CD38: variants seen among roughly 807,000 people sequenced by gnomAD.
The protein encoded by CD38 is ADP-ribosyl cyclase/cyclic ADP-ribose hydrolase 1.
Under a neutral mutation model 36.3 loss-of-function variants are expected in CD38, and 31 were observed. The observed-to-expected ratio is 0.85, with a 90% CI of 0.64 to 1.15. The LOEUF (loss-of-function observed/expected upper bound fraction) is 1.15. CD38 is among the 50% of genes most tolerant of loss of function. The pLI is 0.00. For missense variants in CD38, 380 were observed against 371.9 expected (o/e 1.02, Z -0.18); for synonymous variants, 131 against 135.2 (o/e 0.97, Z 0.22).
At chr4:15,795,371 A>T (rs1723085063) in intron 1 of CD38, among the ~76,000 whole-genome samples, 1 of 152,086 alleles carries the variant, frequency 6.6e-6, no homozygotes, top group Admixed American at 6.5e-5. Context: ...GAAATAGAGG[A>T]TAAGAATCTT....
intron 1 of CD38, among the ~76,000 whole-genome samples, chr4:15,788,307 G>A (rs1354892294): frequency 6.6e-6 from 1 of 152,184 alleles, no homozygotes. Context: ...ATTGGTTGGA[G>A]TTGCTCTGAG....
chr4:15,815,680 T>C (rs1274729541), intron 1 of CD38, among the ~76,000 whole-genome samples: 1 of 152,144 alleles, frequency 6.6e-6, no homozygotes, highest in East Asian at 1.9e-4. Context: ...CGTTGGGGTT[T>C]TCTAAATATA....
intron 5 of CD38, 59 bp from the exon 6 acceptor site, chr4:15,839,967 G>A (rs1724165354): frequency 9.1e-7 from 1 of 1,097,528 alleles, no homozygotes; most frequent in Admixed American, 1.7e-5. Flanking sequence ...TTGTTGAGGG[G>A]GGTGTGGATG....
rs35143834 is a variant in CD38, at chr4:15,835,363, CTTTTTTTTTTT to C, written c.585+1083_585+1093del. 2.1e-4 allele frequency among the ~76,000 whole-genome samples: 12 copies of C among 57,712 alleles called. 1 individual carries two copies. The highest frequency in any genetic ancestry group is 3.2e-4 in the Admixed American group (1 of 3,146). The allele number at this position is 57,712 out of a possible 152,430, so 37.9% of individuals were successfully genotyped here. ...CATGTTGCTGCAAATGACAGGAATA[CTTTTTTTTTTT>C]TTTTTTTTTTTTTTTTTTTTTGAGA... On this transcript the variant is annotated intron_variant, in intron 4 of 7. Coordinates refer to ENST00000226279, the MANE Select transcript of CD38 (RefSeq NM_001775.4).
At chr4:15,832,268 G>A (rs1344420560) in intron 3 of CD38, among the ~76,000 whole-genome samples, 1 of 152,064 alleles carries the variant, frequency 6.6e-6, no homozygotes, top group African/African-American at 2.4e-5. Context: ...ATTGATCTCT[G>A]ATGTCTTATT....
intron 1 of CD38, among the ~76,000 whole-genome samples, chr4:15,811,479 T>G (rs1403813660): frequency 6.6e-6 from 1 of 152,204 alleles, no homozygotes; most frequent in Non-Finnish European, 1.5e-5. Context: ...AATTTATTCT[T>G]TTGCATGTGG....
intron 1 of CD38, among the ~76,000 whole-genome samples, chr4:15,786,672 C>G (rs1722839339): frequency 6.6e-6 from 1 of 152,372 alleles, no homozygotes; most frequent in African/African-American, 2.4e-5. Flanking sequence ...CTGGCTTCAC[C>G]TAGCCGATTG....
intron 1 of CD38, among the ~76,000 whole-genome samples, chr4:15,785,386 T>G (rs1452199782): frequency 6.6e-6 from 1 of 152,084 alleles, no homozygotes; most frequent in Non-Finnish European, 1.5e-5. Context: ...AAGATACCTA[T>G]TTCTATACCT....
At chr4:15,784,318 T>C (rs1722765195) in intron 1 of CD38, among the ~76,000 whole-genome samples, 1 of 152,170 alleles carries the variant, frequency 6.6e-6, no homozygotes, top group Admixed American at 6.5e-5. Context: ...AGAAATAGCA[T>C]TTCAGGTCTT....
chr4:15,821,766 C>G (rs1462551744), intron 2 of CD38, among the ~76,000 whole-genome samples: 1 of 149,626 alleles, frequency 6.7e-6, no homozygotes, highest in Non-Finnish European at 1.5e-5. Flanking sequence ...CAAAGAGGAG[C>G]TGATACCCTT....
rs1724376932 is a variant in CD38, at chr4:15,851,194, A to C, written c.*2592A>C. ...ACCTTGTGTGTCTATCTTCATTACC[A>C]CAATGCCTCATCTCTACCTCCTTTC... On this transcript the variant is annotated 3_prime_UTR_variant, in exon 8 of 8. Coordinates refer to ENST00000226279, the MANE Select transcript of CD38 (RefSeq NM_001775.4). The C allele has an allele frequency of 6.6e-6, 1 of 152,156 alleles. No homozygotes were observed. The allele number at this position is 152,156 out of a possible 1,614,324, so 9.4% of individuals were successfully genotyped here.
At chr4:15,785,643 T>G (rs1050205851) in intron 1 of CD38, among the ~76,000 whole-genome samples, 1 of 152,106 alleles carries the variant, frequency 6.6e-6, no homozygotes, top group African/African-American at 2.4e-5. Flanking sequence ...GTTTAGATAT[T>G]TTGGAGGGAA....
At chr4:15,801,440 A>G (rs985343127) in intron 1 of CD38, among the ~76,000 whole-genome samples, 1 of 152,182 alleles carries the variant, frequency 6.6e-6, no homozygotes, top group East Asian at 1.9e-4. Flanking sequence ...AACTCATTCT[A>G]TAAGGCCAGA....
In CD38 at chr4:15,851,980, C is replaced by G. The variant is rs1724395994; in HGVS notation, c.*3378C>G. Reference sequence around the variant, plus strand: ...AACATATCTAAACATAGAAAAGGTACAGTAAACATGCAGTATTATAATCTT... The same window carrying G: ...AACATATCTAAACATAGAAAAGGTAGAGTAAACATGCAGTATTATAATCTT... On this transcript the variant is annotated 3_prime_UTR_variant, in exon 8 of 8. Coordinates refer to ENST00000226279, the MANE Select transcript of CD38 (RefSeq NM_001775.4). 1 of 152,204 alleles carries G rather than the reference C, an allele frequency of 6.6e-6. No homozygotes were observed. Among genetic ancestry groups the G allele is most frequent in the South Asian group, 2.1e-4 (1 of 4,834 alleles). 9.4% of individuals were successfully genotyped at this position (152,204 alleles called of 1,614,324 possible).
intron 1 of CD38, among the ~76,000 whole-genome samples, chr4:15,797,272 T>A (rs1311907250): frequency 6.6e-6 from 1 of 152,210 alleles, no homozygotes; most frequent in African/African-American, 2.4e-5. Context: ...CTTTTGAGAT[T>A]TACCCATGCT....
intron 2 of CD38, among the ~76,000 whole-genome samples, chr4:15,822,301 C>T (rs1480034385): frequency 2.0e-5 from 3 of 152,176 alleles, no homozygotes; most frequent in Non-Finnish European, 4.4e-5. Context: ...GATGTCCTCT[C>T]TCACCACTCC....
intron 1 of CD38, among the ~76,000 whole-genome samples, chr4:15,815,884 G>T (rs901184413): frequency 3.3e-5 from 5 of 152,186 alleles, no homozygotes; most frequent in African/African-American, 1.2e-4. Context: ...CATTTAGTAT[G>T]ATATGGGCTA....
intron 1 of CD38, among the ~76,000 whole-genome samples, chr4:15,813,392 A>C (rs1191162717): frequency 6.6e-6 from 1 of 152,172 alleles, no homozygotes; most frequent in Non-Finnish European, 1.5e-5. Context: ...TCATTCTACA[A>C]AATACAGCAC....
At chr4:15,816,948 A>G (rs1723613849) in intron 2 of CD38, among the ~76,000 whole-genome samples, 1 of 152,236 alleles carries the variant, frequency 6.6e-6, no homozygotes, top group Non-Finnish European at 1.5e-5. Context: ...AACACGACCT[A>G]TATAATAACA....
Sources: gnomAD v4.1 joint callset for allele counts (sites outside exome capture counted in the v4.1 genomes callset) on GRCh38, gnomAD v4.1.1 for gene constraint, MANE v1.5 for transcripts, NCBI Gene and HGNC (gene_info 2026-07-23, HGNC 2026-07-21) for gene names.